SORBS2: variants seen among roughly 807,000 people sequenced by gnomAD.
SORBS2 encodes the protein sorbin and SH3 domain containing 2.
In SORBS2, 46 loss-of-function variants were observed where a neutral mutation model predicts 97.7. The ratio of observed to expected loss-of-function variants is 0.47; its 90% CI spans 0.37 to 0.60. The LOEUF (loss-of-function observed/expected upper bound fraction) is 0.60. Ranked by LOEUF, SORBS2 falls within the 20% of genes least tolerant of loss-of-function variation. SORBS2 has a pLI of 0.00. For synonymous variants in SORBS2, 476 were observed against 473.4 expected (o/e 1.01, Z -0.07); for missense variants, 1,316 against 1,282.3 (o/e 1.03, Z -0.40).
chr4:185,641,729 G>A (rs934454016), intron 4 of SORBS2, among the ~76,000 whole-genome samples: 9 of 151,166 alleles, frequency 6.0e-5, no homozygotes, highest in African/African-American at 2.2e-4. Flanking sequence ...TCTAGCCTTG[G>A]TGTGATTTTT....
intron 4 of SORBS2, among the ~76,000 whole-genome samples, chr4:185,664,961 C>T (rs932598710): frequency 3.9e-5 from 6 of 151,974 alleles, no homozygotes; most frequent in African/African-American, 1.5e-4. Flanking sequence ...GAATCTGTGC[C>T]ATAAAATTTT....
chr4:185,731,866 C>CTCTCTCTCTATA (rs1286500642), intron 2 of SORBS2, among the ~76,000 whole-genome samples: 2 of 24,690 alleles, frequency 8.1e-5, no homozygotes, highest in African/African-American at 3.5e-4. Context: ...CTCTCTCTCT[C>CTCTCTCTCTATA]TATATATATA....
chr4:185,827,953 TCG>T (rs1479553718), intron 1 of SORBS2, among the ~76,000 whole-genome samples: 2 of 34,224 alleles, frequency 5.8e-5, no homozygotes, highest in African/African-American at 9.4e-5. Context: ...ATCATCATCA[TCG>T]TCACCATCAT....
At chr4:185,730,534 A>G (rs1233417937) in intron 2 of SORBS2, among the ~76,000 whole-genome samples, 1 of 152,192 alleles carries the variant, frequency 6.6e-6, no homozygotes, top group Non-Finnish European at 1.5e-5. Flanking sequence ...CTTTCAATGA[A>G]CTGTAACAGA....
At chr4:185,815,013 C>A (rs1441557784) in intron 1 of SORBS2, among the ~76,000 whole-genome samples, 4 of 152,250 alleles carry the variant, frequency 2.6e-5, no homozygotes, top group Non-Finnish European at 5.9e-5. Flanking sequence ...ATTTTTCCAG[C>A]CCATCTTTCT....
At chr4:185,837,940 T>G (rs1305082956) in intron 1 of SORBS2, among the ~76,000 whole-genome samples, 6 of 152,130 alleles carry the variant, frequency 3.9e-5, no homozygotes, top group African/African-American at 1.2e-4. Flanking sequence ...ACTTGAAGTT[T>G]TTTGTTTGTT....
At chr4:185,667,643 TA>T (rs1265750313) in intron 4 of SORBS2, among the ~76,000 whole-genome samples, 8 of 149,064 alleles carry the variant, frequency 5.4e-5, no homozygotes, top group South Asian at 4.2e-4. Context: ...TAATCTTACT[TA>T]ATATGATTTT....
intron 1 of SORBS2, among the ~76,000 whole-genome samples, chr4:185,890,874 G>A (rs922634360): frequency 1.3e-5 from 2 of 152,126 alleles, no homozygotes; most frequent in African/African-American, 4.8e-5. Context: ...TTAAGGGTAG[G>A]ACAAAACTAT....
At chr4:185,952,044 T>TTTGATAGAG (rs1554057015) in intron 1 of SORBS2, among the ~76,000 whole-genome samples, 4 of 148,354 alleles carry the variant, frequency 2.7e-5, no homozygotes, top group African/African-American at 9.8e-5. Flanking sequence ...TTTTTTTTTT[T>TTTGATAGAG]TGATAGAGTC....
chr4:185,869,036 C>G (rs765386489), intron 1 of SORBS2, among the ~76,000 whole-genome samples: 4 of 152,154 alleles, frequency 2.6e-5, no homozygotes, highest in African/African-American at 9.7e-5. Context: ...AAGAACTTGC[C>G]TTTGGTGGTG....
At chr4:185,897,269 T>G in intron 1 of SORBS2, among the ~76,000 whole-genome samples, 1 of 152,066 alleles carries the variant, frequency 6.6e-6, no homozygotes, top group East Asian at 1.9e-4. Context: ...CTTGTTTGAG[T>G]GTAGGTATGA....
intron 2 of SORBS2, among the ~76,000 whole-genome samples, chr4:185,748,595 C>T (rs1006360960): frequency 2.6e-5 from 4 of 152,118 alleles, no homozygotes; most frequent in African/African-American, 9.7e-5. Context: ...GCACTGATGA[C>T]GAGAGATGGT....
intron 1 of SORBS2, among the ~76,000 whole-genome samples, chr4:185,924,647 G>A (rs1047455185): frequency 2.0e-5 from 3 of 152,100 alleles, no homozygotes; most frequent in Non-Finnish European, 4.4e-5. Flanking sequence ...GGGTGGGAGG[G>A]CCAGTTATTT....
intron 7 of SORBS2, among the ~76,000 whole-genome samples, chr4:185,620,987 C>T (rs940834877): frequency 3.9e-5 from 6 of 152,142 alleles, no homozygotes; most frequent in Non-Finnish European, 5.9e-5. Context: ...ATACCTTTTG[C>T]ACTTACGTGA....
chr4:185,603,169 C>T (rs1054836213), intron 12 of SORBS2, among the ~76,000 whole-genome samples: 5 of 152,072 alleles, frequency 3.3e-5, no homozygotes, highest in South Asian at 2.1e-4. Flanking sequence ...GTGCGTCCTC[C>T]GTCTTTCCAA....
At chr4:185,666,256 G>A (rs974398768) in intron 4 of SORBS2, 316 of 1,010,844 alleles carry the variant, frequency 3.1e-4, no homozygotes, top group Non-Finnish European at 4.2e-4. Context: ...ATTAACAAAA[G>A]TACCTCTTTT....
chr4:185,621,797 G>A (rs752441508), intron 7 of SORBS2, among the ~76,000 whole-genome samples: 4 of 152,134 alleles, frequency 2.6e-5, no homozygotes, highest in Non-Finnish European at 5.9e-5. Context: ...ATTATTAGGG[G>A]TTTGAATCTC....
At chr4:185,624,854 T>C (rs1388127686) in intron 6 of SORBS2, among the ~76,000 whole-genome samples, 1 of 152,228 alleles carries the variant, frequency 6.6e-6, no homozygotes, top group Non-Finnish European at 1.5e-5. Flanking sequence ...GATAGCATGA[T>C]CTGGTAGTGA....
At chr4:185,944,427 A>G (rs1017576241) in intron 1 of SORBS2, among the ~76,000 whole-genome samples, 1 of 152,214 alleles carries the variant, frequency 6.6e-6, no homozygotes, top group African/African-American at 2.4e-5. Context: ...ACTGTGTAAC[A>G]TGTCAGTTCT....
Sources: gnomAD v4.1 joint callset for allele counts (sites outside exome capture counted in the v4.1 genomes callset) on GRCh38, gnomAD v4.1.1 for gene constraint, MANE v1.5 for transcripts, NCBI Gene and HGNC (gene_info 2026-07-23, HGNC 2026-07-21) for gene names.